Variants in ABI2 observed in about 807,000 individuals in gnomAD.
The protein encoded by ABI2 is abelson interactor 2.
In ABI2, 25 loss-of-function variants were observed where a neutral mutation model predicts 59.2. The ratio of observed to expected loss-of-function variants is 0.42; its 90% confidence interval spans 0.31 to 0.59. The LOEUF (loss-of-function observed/expected upper bound fraction) is 0.59. Ranked by LOEUF, ABI2 falls within the 20% of genes least tolerant of loss-of-function variation. The pLI is 0.14. For synonymous variants in ABI2, 213 were observed against 235.5 expected (o/e 0.90, Z 0.87); for missense variants, 545 against 681.8 (o/e 0.80, Z 2.23).
chr2:203,407,949 G>GTCCGAAAAGA (rs1255258674), intron 9 of ABI2, among the ~76,000 whole-genome samples: 14 of 152,104 alleles, frequency 9.2e-5, no homozygotes, highest in Non-Finnish European at 1.8e-4. Context: ...ATCTTACAAG[G>GTCCGAAAAGA]TCCGAAAAGA....
At chr2:203,370,630 G>T (rs2095078921) in intron 2 of ABI2, among the ~76,000 whole-genome samples, 1 of 152,124 alleles carries the variant, frequency 6.6e-6, no homozygotes, top group Non-Finnish European at 1.5e-5. Context: ...ATTTTATTAT[G>T]ATGCTTGTAT....
chr2:203,413,915 G>C (rs1047151587), intron 10 of ABI2, among the ~76,000 whole-genome samples: 1 of 152,114 alleles, frequency 6.6e-6, no homozygotes, highest in Non-Finnish European at 1.5e-5. Context: ...ACTGGGGTAA[G>C]AAGTACAGCT....
chr2:203,411,354 C>T lies in ABI2; in HGVS notation c.1262C>T (p.Ala421Val). The T allele has an allele frequency of 6.2e-7, 1 of 1,612,974 alleles. No individual in the cohort carries two copies. The highest frequency in any genetic ancestry group is 1.1e-5 in the South Asian group (1 of 91,026). The change falls in exon 10 of 12, where the codon GCC becomes GTC. Residue 421 changes from alanine (A) to valine (V), a missense_variant. This residue lies in a region of ABI2 where 410 missense variants were observed against 435.6 expected (regional missense o/e 0.94). Coordinates refer to ENST00000261018, the MANE Select transcript of ABI2 (RefSeq NM_001375670.1). ...TPQLPLMGFVARVQENISDTP... is the reference protein window; with the variant it reads ...TPQLPLMGFVVRVQENISDTP... ...CAGTTACCTTTAATGGGATTTGTGG[C>T]CAGAGTCCAAGAAAATAGTAAGTTT...
chr2:203,421,074 A>C (rs2098183394), intron 11 of ABI2, among the ~76,000 whole-genome samples: 1 of 152,152 alleles, frequency 6.6e-6, no homozygotes, highest in African/African-American at 2.4e-5. Flanking sequence ...TAAAAAAAAA[A>C]TCTGGTAGTA....
Position 203,427,313 on chromosome 2 carries a change from TGG to T in ABI2, c.1592_1593del (p.Gly531GlufsTer4). 6.2e-7 allele frequency: 1 copy of T among 1,614,074 alleles called. No individual in the cohort carries two copies. ...TGAATGGAGTGACTGGGCTTTTTCC[TGG>T]GAATTACGTTGAGTCTATCATGCAT... Reference protein sequence around the residue: ...VMNGVTGLFPGNYVESIMHYS... With the variant: ...VMNGVTGLFPXNYVESIMHYS... On this transcript the variant is annotated frameshift_variant, in exon 12 of 12. Transcript: ENST00000261018. LOFTEE classifies it high-confidence loss of function.
At chr2:203,382,279 T>A in intron 4 of ABI2, 73 bp downstream of exon 4, 1 of 1,275,572 alleles carries the variant, frequency 7.8e-7, no homozygotes, top group Non-Finnish European at 1.1e-6. Flanking sequence ...GTTAAAGAGA[T>A]TGTTAACTCT....
At chr2:203,372,515 G>A (rs1373002952) in intron 2 of ABI2, among the ~76,000 whole-genome samples, 1 of 151,142 alleles carries the variant, frequency 6.6e-6, no homozygotes, top group Non-Finnish European at 1.5e-5. Context: ...CCGGGCAGAG[G>A]CGCCCCTCAT....
chr2:203,366,664 A>G lies in ABI2; in HGVS notation c.118-213A>G, dbSNP rs571920335. ...TAGGGTTTTATTTGCATCTGTGCAA[A>G]GATGTGTCTATTCAACATGAAAACA... On this transcript the variant is annotated intron_variant, in intron 1 of 11. Transcript: ENST00000261018. Among the ~76,000 whole-genome samples the G allele has an allele frequency of 1.2e-4, 18 of 152,330 alleles. 1 individual carries two copies. In the South Asian group the frequency reaches 3.7e-3, roughly 32 times the overall value.
intron 1 of ABI2, among the ~76,000 whole-genome samples, chr2:203,337,510 G>T (rs2077006448): frequency 6.6e-6 from 1 of 152,176 alleles, no homozygotes; most frequent in Non-Finnish European, 1.5e-5. Flanking sequence ...TAAATGGGAA[G>T]ATATCCCGTG....
At chr2:203,391,903 G>C (rs1326736363) in intron 5 of ABI2, among the ~76,000 whole-genome samples, 1 of 151,864 alleles carries the variant, frequency 6.6e-6, no homozygotes, top group African/African-American at 2.4e-5. Flanking sequence ...GGCAAAAATG[G>C]CCAATTAATG....
chr2:203,364,542 C>T (rs938049773), intron 1 of ABI2, among the ~76,000 whole-genome samples: 6 of 152,102 alleles, frequency 3.9e-5, no homozygotes, highest in Non-Finnish European at 7.3e-5. Context: ...TCATCTTGAA[C>T]TTAGAAATAA....
chr2:203,386,195 G>C (rs2096498876), intron 4 of ABI2, among the ~76,000 whole-genome samples: 1 of 152,078 alleles, frequency 6.6e-6, no homozygotes, highest in African/African-American at 2.4e-5. Flanking sequence ...AGGCCCAAAG[G>C]TGACTGACCT....
At position 203,428,143 on chromosome 2, in the gene ABI2, G is replaced by A. The variant is rs1479204071; in HGVS notation, c.*791G>A. Reference sequence around the variant, plus strand: ...TAGGCTGGTTCATATGTGGAGGTGGGTGTGTGAAGCTAGACACGAAGGTCC... The same window carrying A: ...TAGGCTGGTTCATATGTGGAGGTGGATGTGTGAAGCTAGACACGAAGGTCC... On this transcript the variant is annotated 3_prime_UTR_variant, in exon 12 of 12. Transcript: ENST00000261018. 6.6e-6 allele frequency: 1 copy of A among 152,406 alleles called. No individual in the cohort carries two copies. Among genetic ancestry groups the A allele is most frequent in the African/African-American group, 2.4e-5 (1 of 41,436 alleles). The allele number at this position is 152,406 out of a possible 1,614,324, so 9.4% of individuals were successfully genotyped here.
At chr2:203,335,757 A>T (rs1402698595) in intron 1 of ABI2, among the ~76,000 whole-genome samples, 1 of 152,154 alleles carries the variant, frequency 6.6e-6, no homozygotes, top group Non-Finnish European at 1.5e-5. Context: ...GGATGAGGTA[A>T]CAGCTTTGTT....
At position 203,385,336 on chromosome 2, in the gene ABI2, T is replaced by TAAAAG. The variant is rs2096453889; in HGVS notation, c.480+3130_480+3131insAAAAG. On this transcript the variant is annotated intron_variant, in intron 4 of 11. Coordinates refer to ENST00000261018, the MANE Select transcript of ABI2 (RefSeq NM_001375670.1). ...TTAGTAGAGACGGGGTTTCACCGTG[T>TAAAAG]TAGCCAGGATGGTCTCGATCTCCTG... Among the ~76,000 whole-genome samples, 3 of 151,282 alleles carry TAAAAG rather than the reference T, an allele frequency of 2.0e-5. No homozygotes were observed. In the South Asian group the frequency reaches 6.3e-4, roughly 32 times the overall value.
chr2:203,385,210 A>G (rs1191165633), intron 4 of ABI2, among the ~76,000 whole-genome samples: 3 of 140,008 alleles, frequency 2.1e-5, no homozygotes, highest in Non-Finnish European at 4.6e-5. Flanking sequence ...GGCTCACTGC[A>G]GGCTCCACCT....
At chr2:203,363,533 C>T (rs189609073) in intron 1 of ABI2, among the ~76,000 whole-genome samples, 7 of 152,094 alleles carry the variant, frequency 4.6e-5, no homozygotes, top group Admixed American at 2.6e-4. Context: ...CCCACTTTCC[C>T]CCTACCCTTC....
intron 11 of ABI2, 120 bp downstream of exon 11, chr2:203,417,201 C>A: frequency 4.4e-6 from 4 of 913,656 alleles, no homozygotes; most frequent in Non-Finnish European, 6.2e-6. Flanking sequence ...TGTATTTGTG[C>A]ATTTTTACTG....
chr2:203,331,540 G>A (rs1207814763), intron 1 of ABI2, among the ~76,000 whole-genome samples: 12 of 151,596 alleles, frequency 7.9e-5, no homozygotes, highest in African/African-American at 1.7e-4. Context: ...TGTATTTTTA[G>A]TAGAGACGGG....
Sources: gnomAD v4.1 joint callset for allele counts (sites outside exome capture counted in the v4.1 genomes callset) on GRCh38, gnomAD v4.1.1 for gene constraint, gnomAD v4.1.1 regional missense constraint, MANE v1.5 for transcripts, NCBI Gene and HGNC (gene_info 2026-07-23, HGNC 2026-07-21) for gene names.